The following KCNT2 variants were observed in gnomAD, a reference collection of about 807,000 sequenced individuals.
KCNT2 encodes the protein potassium sodium-activated channel subfamily T member 2.
Under a neutral mutation model 153.8 loss-of-function variants are expected in KCNT2, and 67 were observed. The ratio of observed to expected loss-of-function variants is 0.44; its 90% CI spans 0.36 to 0.53. The LOEUF is 0.53. Ranked by LOEUF, KCNT2 falls within the 20% of genes least tolerant of loss-of-function variation. KCNT2 has a pLI of 0.00. For synonymous variants in KCNT2, 500 were observed against 458.8 expected, an observed-to-expected ratio of 1.09 and a Z score of -1.15; for missense variants, 975 against 1,354.8, an observed-to-expected ratio of 0.72 and a Z score of 4.40.
chr1:196,281,871 T>A (rs866482158), intron 24 of KCNT2, among the ~76,000 whole-genome samples: 2 of 151,736 alleles, frequency 1.3e-5, no homozygotes, highest in Non-Finnish European at 2.9e-5. Flanking sequence ...ATTCTCAGCC[T>A]CCCGAGTAGC....
chr1:196,295,680 C>CA (rs1270668571), intron 22 of KCNT2, among the ~76,000 whole-genome samples: 1 of 151,420 alleles, frequency 6.6e-6, no homozygotes, highest in Non-Finnish European at 1.5e-5. Flanking sequence ...TTGAGTAAGG[C>CA]AAAAAAATTT....
chr1:196,298,717 C>T lies in KCNT2; in HGVS notation c.2595+6517G>A, dbSNP rs193193526. Among the ~76,000 whole-genome samples, 7 of 150,936 alleles carry T rather than the reference C, an allele frequency of 4.6e-5. No individual in the cohort carries two copies. In the Admixed American group the frequency reaches 4.7e-4, roughly 10 times the overall value. On this transcript the variant is annotated intron_variant, in intron 22 of 27. Coordinates refer to ENST00000294725, the MANE Select transcript of KCNT2 (RefSeq NM_198503.5). ...TGAGGGTAAAGGCTAAAAGTGTCAA[C>T]CTTTTAATCAGAGCTTCCTTTTTCT...
intron 1 of KCNT2, among the ~76,000 whole-genome samples, chr1:196,507,636 C>T (rs896924037): frequency 2.0e-5 from 3 of 151,966 alleles, no homozygotes; most frequent in African/African-American, 7.2e-5. Context: ...TACTGTTTCC[C>T]TCATTAATTA....
chr1:196,263,708 A>G (rs1041372417), intron 25 of KCNT2, among the ~76,000 whole-genome samples: 11 of 152,328 alleles, frequency 7.2e-5, no homozygotes, highest in African/African-American at 2.6e-4. Flanking sequence ...ATTAAGAGAT[A>G]ATATTAAATA....
chr1:196,606,429 T>C (rs920496713), intron 1 of KCNT2, among the ~76,000 whole-genome samples: 13 of 152,200 alleles, frequency 8.5e-5, no homozygotes, highest in African/African-American at 3.1e-4. Context: ...AAATATTTAA[T>C]AACTTATTTT....
chr1:196,327,204 T>C (rs1663948556), intron 18 of KCNT2, among the ~76,000 whole-genome samples: 1 of 152,066 alleles, frequency 6.6e-6, no homozygotes, highest in South Asian at 2.1e-4. Context: ...CTTTTACAAA[T>C]TAATTTTCTC....
chr1:196,464,796 T>C (rs1443309111), intron 8 of KCNT2, among the ~76,000 whole-genome samples: 1 of 151,978 alleles, frequency 6.6e-6, no homozygotes, highest in Non-Finnish European at 1.5e-5. Flanking sequence ...TATATGTTTT[T>C]ATAATGAAGT....
At chr1:196,532,359 T>G (rs1414053397) in intron 1 of KCNT2, among the ~76,000 whole-genome samples, 2 of 152,022 alleles carry the variant, frequency 1.3e-5, no homozygotes, top group Non-Finnish European at 2.9e-5. Flanking sequence ...TTTCCAGAAC[T>G]AACATCAATA....
In KCNT2 at chr1:196,226,421, A is replaced by G. The variant is rs1653495652; in HGVS notation, c.*1803T>C. 6.6e-6 allele frequency: 1 copy of G among 152,046 alleles called. No homozygotes were observed. The highest frequency in any genetic ancestry group is 1.5e-5 in the Non-Finnish European group (1 of 67,882). 9.4% of individuals were successfully genotyped at this position (152,046 alleles called of 1,614,324 possible). On this transcript the variant is annotated 3_prime_UTR_variant, in exon 28 of 28. Transcript: ENST00000294725. Reference sequence around the variant, plus strand: ...TGTGTGTCAAATATATTTCACGTTTATAACATATACACATATATGCATACA... The same window carrying G: ...TGTGTGTCAAATATATTTCACGTTTGTAACATATACACATATATGCATACA...
intron 1 of KCNT2, among the ~76,000 whole-genome samples, chr1:196,571,114 C>G (rs550968808): frequency 6.6e-6 from 1 of 152,160 alleles, no homozygotes; most frequent in South Asian, 2.1e-4. Flanking sequence ...TAAATAGTAT[C>G]TCATAGTACC....
intron 8 of KCNT2, among the ~76,000 whole-genome samples, chr1:196,446,806 T>C (rs1445152888): frequency 6.6e-6 from 1 of 151,546 alleles, no homozygotes; most frequent in Non-Finnish European, 1.5e-5. Flanking sequence ...AAGATGAAAT[T>C]TAACTAAGCT....
intron 18 of KCNT2, among the ~76,000 whole-genome samples, chr1:196,327,271 C>A (rs1479643657): frequency 6.6e-6 from 1 of 151,672 alleles, no homozygotes; most frequent in Non-Finnish European, 1.5e-5. Context: ...CAGGAACATT[C>A]CCAGTACTGA....
chr1:196,432,523 T>G (rs1253663989), intron 8 of KCNT2, among the ~76,000 whole-genome samples: 1 of 152,132 alleles, frequency 6.6e-6, no homozygotes, highest in Non-Finnish European at 1.5e-5. Flanking sequence ...TGACCAGAAG[T>G]CAAGACATGG....
At chr1:196,370,930 A>G (rs1668474704) in intron 14 of KCNT2, among the ~76,000 whole-genome samples, 2 of 152,162 alleles carry the variant, frequency 1.3e-5, no homozygotes, top group Admixed American at 6.6e-5. Flanking sequence ...ATTATGTACA[A>G]TGTTCAACAT....
At chr1:196,378,305 G>A (rs1271866276) in intron 13 of KCNT2, among the ~76,000 whole-genome samples, 1 of 152,046 alleles carries the variant, frequency 6.6e-6, no homozygotes, top group Non-Finnish European at 1.5e-5. Flanking sequence ...TATCTGTATG[G>A]GGTAGTGGTC....
intron 1 of KCNT2, among the ~76,000 whole-genome samples, chr1:196,525,666 A>G (rs1654084336): frequency 6.6e-6 from 1 of 152,204 alleles, no homozygotes; most frequent in Non-Finnish European, 1.5e-5. Context: ...TGAGGTGATA[A>G]CTGATTTTAA....
At chr1:196,468,905 C>T (rs956480517) in intron 6 of KCNT2, 89 bp downstream of exon 6, 1 of 757,564 alleles carries the variant, frequency 1.3e-6, no homozygotes, top group Non-Finnish European at 2.2e-6. Context: ...TTTATCTTAG[C>T]TACCATATTA....
At chr1:196,430,611 T>C (rs1674067946) in intron 8 of KCNT2, among the ~76,000 whole-genome samples, 2 of 152,094 alleles carry the variant, frequency 1.3e-5, no homozygotes, top group African/African-American at 2.4e-5. Flanking sequence ...TATTATTTTA[T>C]GGCAGCACAA....
chr1:196,375,610 TTTA>T (rs777436700), intron 13 of KCNT2, among the ~76,000 whole-genome samples: 1 of 151,736 alleles, frequency 6.6e-6, no homozygotes, highest in East Asian at 1.9e-4. Context: ...AAACATGCTT[TTTA>T]TTATTATTTC....
Sources: gnomAD v4.1 joint callset for allele counts (sites outside exome capture counted in the v4.1 genomes callset) on GRCh38, gnomAD v4.1.1 for gene constraint, MANE v1.5 for transcripts, NCBI Gene and HGNC (gene_info 2026-07-23, HGNC 2026-07-21) for gene names.